The following ZBTB40 variants were observed in gnomAD, a reference collection of about 807,000 sequenced individuals.
ZBTB40 encodes zinc finger and BTB domain-containing protein 40.
ZBTB40 carries 60 observed loss-of-function variants against 117.5 expected under a neutral mutation model. The observed-to-expected ratio is 0.51, with a 90% confidence interval of 0.41 to 0.63. The LOEUF is 0.63. Among genes scored for constraint, ZBTB40 ranks in the 30% least tolerant of loss-of-function variants. The pLI is 0.00. For synonymous variants in ZBTB40, 525 were observed against 577.1 expected, an observed-to-expected ratio of 0.91 and a Z score of 1.29; for missense variants, 1,287 against 1,498.5, an observed-to-expected ratio of 0.86 and a Z score of 2.33.
At position 22,430,114 on chromosome 1, in the gene ZBTB40, A is replaced by G. The variant is rs565343853; in HGVS notation, c.-70+1100A>G. ...TAATAAGTGTTTTCTTGTATCTATT[A>G]AAACATTGTAATTTCTTCTTTAATC... On this transcript the variant is annotated intron_variant, in intron 1 of 8. Coordinates refer to the ZBTB40 transcript ENST00000650433. 3.9e-5 allele frequency among the ~76,000 whole-genome samples: 6 copies of G among 152,366 alleles called. No homozygotes were observed. In the South Asian group the frequency reaches 6.2e-4, roughly 16 times the overall value.
chr1:22,508,586 A>G lies in ZBTB40; in HGVS notation c.1554A>G (p.Ile518Met), dbSNP rs752280663. 4 of 1,614,188 alleles carry G rather than the reference A, an allele frequency of 2.5e-6. No individual in the cohort carries two copies. The highest frequency in any genetic ancestry group is 3.4e-6 in the Non-Finnish European group (4 of 1,180,028). The change falls in exon 8 of 18, where the codon ATA becomes ATG. Residue 518 changes from isoleucine (I) to methionine (M), a missense_variant. Transcript: ENST00000375647. ...DSGSGGFNSLISAVLEKQTLS... is the reference protein window; with the variant it reads ...DSGSGGFNSLMSAVLEKQTLS... ...GTTCAGGTGGTTTCAATTCTCTGAT[A>G]TCAGCAGTTCTAGAAAAGCAGACTC...
At chr1:22,455,664 C>T (rs548649911) in intron 1 of ZBTB40, among the ~76,000 whole-genome samples, 1 of 152,252 alleles carries the variant, frequency 6.6e-6, no homozygotes, top group South Asian at 2.1e-4. Flanking sequence ...GGTGCTAACA[C>T]TAGCTTTGAA....
intron 3 of ZBTB40, among the ~76,000 whole-genome samples, chr1:22,500,516 T>C (rs1638899942): frequency 2.6e-5 from 4 of 152,208 alleles, no homozygotes; most frequent in Admixed American, 2.6e-4. Flanking sequence ...TGTTAATGGT[T>C]ATGGATTTGG....
chr1:22,526,284 T>C lies in ZBTB40; in HGVS notation c.3608T>C (p.Phe1203Ser). The C allele has an allele frequency of 1.2e-6, 2 of 1,614,156 alleles. No homozygotes were observed. Among genetic ancestry groups the C allele is most frequent in the Non-Finnish European group, 1.7e-6 (2 of 1,180,018 alleles). The change falls in exon 18 of 18, where the codon TTT becomes TCT. Residue 1203 changes from phenylalanine to serine, a missense_variant. By Grantham distance (155) the Phe-to-Ser change is radical. Around this residue, in one of 2 missense-constraint regions of ZBTB40, gnomAD observed 417 missense variants for 564.1 expected, o/e 0.74. Transcript: ENST00000375647. ...EETQLAGSQV[F>S]VTLPDSQASQ... ...ACCCAGCTTGCCGGGTCGCAGGTGT[T>C]TGTGACGTTGCCAGATTCTCAGGCA...
Position 22,520,252 on chromosome 1 carries a change from G to A in ZBTB40, c.3025G>A (p.Gly1009Arg). Residue 1009 changes from glycine to arginine, a missense_variant, in exon 14 of 18, where the codon GGG becomes AGG. By Grantham distance (125) the Gly-to-Arg change is moderately radical (BLOSUM62 -2). Around this residue, in one of 2 missense-constraint regions of ZBTB40, gnomAD observed 417 missense variants for 564.1 expected, o/e 0.74. Coordinates refer to ENST00000375647, the MANE Select transcript of ZBTB40 (RefSeq NM_014870.4). Reference sequence around the variant, plus strand: ...CGTTGGAGGGAAGCCCTTCAGCTGCGGGATCTGCAACAAGGCCTACCAGGT... The same window carrying A: ...CGTTGGAGGGAAGCCCTTCAGCTGCAGGATCTGCAACAAGGCCTACCAGGT... ...THVGGKPFSCGICNKAYQQLS... is the reference protein window; with the variant it reads ...THVGGKPFSCRICNKAYQQLS... 6.2e-7 allele frequency: 1 copy of A among 1,612,496 alleles called. No homozygotes were observed. Among genetic ancestry groups the A allele is most frequent in the Non-Finnish European group, 8.5e-7 (1 of 1,179,954 alleles).
At chr1:22,474,796 A>G (rs1273477286) in intron 1 of ZBTB40, among the ~76,000 whole-genome samples, 2 of 152,180 alleles carry the variant, frequency 1.3e-5, no homozygotes, top group Admixed American at 1.3e-4. Context: ...AGAGTATGTG[A>G]TAGATAAAGT....
At chr1:22,482,971 C>T (rs552191127) in intron 1 of ZBTB40, among the ~76,000 whole-genome samples, 3 of 150,964 alleles carry the variant, frequency 2.0e-5, no homozygotes, top group African/African-American at 4.9e-5. Context: ...CCTAGCTACT[C>T]GGGAGGCTGA....
At position 22,508,619 on chromosome 1, in the gene ZBTB40, C is replaced by T; in HGVS notation, c.1587C>T (p.Ala529=). The T allele has an allele frequency of 6.2e-7, 1 of 1,614,156 alleles. No individual in the cohort carries two copies. Among genetic ancestry groups the T allele is most frequent in the Admixed American group, 1.7e-5 (1 of 60,028 alleles). The change falls in exon 8 of 18, where the codon GCC becomes GCT. Residue 529 remains alanine (A), a synonymous_variant. Coordinates refer to ENST00000375647, the MANE Select transcript of ZBTB40 (RefSeq NM_014870.4). ...TTCTAGAAAAGCAGACTCTCTCTGC[C>T]ACAGCCATTTGGCAACTGCTGCTGG... is the stretch of plus-strand genomic sequence containing the variant. ...SAVLEKQTLS[A]TAIWQLLLVV... is the part of the protein sequence containing the mutation.
At chr1:22,476,083 G>A (rs902296914) in intron 1 of ZBTB40, among the ~76,000 whole-genome samples, 7 of 152,152 alleles carry the variant, frequency 4.6e-5, no homozygotes, top group Non-Finnish European at 8.8e-5. Context: ...TTTAAGCAAC[G>A]TAGATTGAGA....
intron 1 of ZBTB40, among the ~76,000 whole-genome samples, chr1:22,434,116 A>G (rs1022078068): frequency 6.6e-6 from 1 of 152,214 alleles, no homozygotes; most frequent in African/African-American, 2.4e-5. Flanking sequence ...TCACATTGTC[A>G]GACTTCCAGA....
intron 1 of ZBTB40, among the ~76,000 whole-genome samples, chr1:22,457,362 A>G (rs1196522718): frequency 6.6e-6 from 1 of 152,232 alleles, no homozygotes; most frequent in Admixed American, 6.5e-5. Context: ...CCCAAAGGGA[A>G]ACAAAAACAA....
Position 22,513,020 on chromosome 1 carries a change from A to G in ZBTB40, c.2558A>G (p.Asn853Ser), listed in dbSNP as rs1557519136. The part of the protein sequence containing the change: ...AKFAANSTLK[N>S]HLRLHTGDRP... Reference sequence around the variant, plus strand: ...TTTGCAGCCAATTCCACCCTGAAGAACCACCTTCGCCTTCACACCGGGGAC... The same window carrying G: ...TTTGCAGCCAATTCCACCCTGAAGAGCCACCTTCGCCTTCACACCGGGGAC... Residue 853 changes from asparagine to serine, a missense_variant, in exon 12 of 18, where the codon AAC (asparagine) becomes AGC (serine). Around this residue, in one of 2 missense-constraint regions of ZBTB40, gnomAD observed 417 missense variants for 564.1 expected, o/e 0.74. Transcript: ENST00000375647. This position sits in a 1 kb window ranked among gnomAD's most constrained non-coding sequence, Gnocchi z 4.9. 1.2e-6 allele frequency: 2 copies of G among 1,614,146 alleles called. No individual in the cohort carries two copies. Among genetic ancestry groups the G allele is most frequent in the Non-Finnish European group, 1.7e-6 (2 of 1,180,032 alleles).
At chr1:22,473,608 C>T (rs150598743) in intron 1 of ZBTB40, among the ~76,000 whole-genome samples, 127 of 152,222 alleles carry the variant, frequency 8.3e-4, no homozygotes, top group African/African-American at 2.4e-3. Flanking sequence ...CCCAGCCATG[C>T]GATGTGAATT....
intron 1 of ZBTB40, among the ~76,000 whole-genome samples, chr1:22,431,384 G>GTGTGTGTGTATATATATA (rs1222294324): frequency 4.2e-5 from 5 of 119,698 alleles, no homozygotes; most frequent in African/African-American, 1.5e-4. Flanking sequence ...GTGTGTGTGT[G>GTGTGTGTGTATATATATA]TATATATATA....
chr1:22,496,582 C>T (rs1350342734), intron 3 of ZBTB40, among the ~76,000 whole-genome samples: 1 of 152,196 alleles, frequency 6.6e-6, no homozygotes, highest in East Asian at 1.9e-4. Context: ...CTGGTCCAAA[C>T]TGGCTTATGC....
intron 1 of ZBTB40, among the ~76,000 whole-genome samples, chr1:22,453,178 T>G (rs1640923774): frequency 6.6e-6 from 1 of 152,228 alleles, no homozygotes; most frequent in Admixed American, 6.5e-5. Context: ...TTAATGGAGA[T>G]TTAATTACAA....
At chr1:22,500,040 G>A (rs992162560) in intron 3 of ZBTB40, among the ~76,000 whole-genome samples, 1 of 152,202 alleles carries the variant, frequency 6.6e-6, no homozygotes, top group Admixed American at 6.5e-5. Context: ...AAGGTAGATT[G>A]TAGTTTTGTC....
At position 22,490,166 on chromosome 1, in the gene ZBTB40, T is replaced by G; in HGVS notation, c.218T>G (p.Leu73Arg). The change falls in exon 2 of 18, where the codon CTC (leucine) becomes CGC (arginine). Residue 73 changes from leucine (L) to arginine (R), a missense_variant. Leu to Arg is a moderately radical substitution (Grantham distance 102). Transcript: ENST00000375647. ...GTGGTGAGCCCCGAGGAGTTTGCGC[T>G]CTTGTTGGAAATGATGTACACGGGC... ...ASVVSPEEFA[L>R]LLEMMYTGKL... is the part of the protein sequence containing the mutation. 1.2e-6 allele frequency: 2 copies of G among 1,614,156 alleles called. No homozygotes were observed. Among genetic ancestry groups the G allele is most frequent in the African/African-American group, 2.7e-5 (2 of 75,034 alleles).
intron 1 of ZBTB40, among the ~76,000 whole-genome samples, chr1:22,474,477 C>T (rs1379695461): frequency 6.6e-6 from 1 of 152,228 alleles, no homozygotes; most frequent in Non-Finnish European, 1.5e-5. Context: ...CTTACCAATC[C>T]TCCTTGCATC....
Sources: allele counts gnomAD v4.1 joint callset (sites outside exome capture counted in the v4.1 genomes callset), GRCh38; gene constraint gnomAD v4.1.1; regional missense constraint gnomAD v4.1.1; non-coding constraint Gnocchi (gnomAD v3.1); transcripts MANE v1.5; gene names NCBI Gene and HGNC (gene_info 2026-07-23, HGNC 2026-07-21).